Variants in EEA1 observed in about 807,000 individuals in gnomAD.
EEA1 encodes the protein early endosome antigen 1, 162kD.
A neutral mutation model predicts 209.2 loss-of-function variants in EEA1; 111 were observed. The observed-to-expected ratio is 0.53, with a 90% CI of 0.45 to 0.62. The LOEUF is 0.62. Ranked by LOEUF, EEA1 falls within the 20% of genes least tolerant of loss-of-function variation. EEA1 has a pLI of 0.00. For missense variants in EEA1, 1,343 were observed against 1,530.8 expected (o/e 0.88, Z 2.05); for synonymous variants, 536 against 540.6 (o/e 0.99, Z 0.12).
chr12:92,836,152 T>C (rs1452284918), intron 10 of EEA1, among the ~76,000 whole-genome samples: 2 of 152,196 alleles, frequency 1.3e-5, no homozygotes, highest in Non-Finnish European at 2.9e-5. Flanking sequence ...CCTGATATGA[T>C]TGGTCAAATG....
chr12:92,900,670 T>G (rs1031934923), intron 1 of EEA1, among the ~76,000 whole-genome samples: 12 of 150,178 alleles, frequency 8.0e-5, no homozygotes. Flanking sequence ...TTTTTTTTTG[T>G]CTTGTTTTAT....
chr12:92,858,936 A>G, intron 3 of EEA1: 1 of 704,654 alleles, frequency 1.4e-6, no homozygotes, highest in Non-Finnish European at 2.6e-6. Flanking sequence ...GGTGCCTTTG[A>G]GGAAAGGATT....
intron 17 of EEA1, among the ~76,000 whole-genome samples, chr12:92,810,752 T>C (rs1025929733): frequency 6.6e-6 from 1 of 152,090 alleles, no homozygotes; most frequent in African/African-American, 2.4e-5. Context: ...CTGAGATGTC[T>C]AATCATCTTA....
intron 1 of EEA1, 149 bp downstream of exon 1, chr12:92,928,894 C>A (rs1408640762): frequency 3.1e-6 from 2 of 637,664 alleles, no homozygotes; most frequent in Non-Finnish European, 2.3e-6. Context: ...TCCCCGCCCC[C>A]GGGCCGGGCG....
Position 92,929,262 on chromosome 12 carries a change from C to T in EEA1, c.-196G>A. 4.7e-6 allele frequency: 2 copies of T among 421,588 alleles called. No homozygotes were observed. The highest frequency in any genetic ancestry group is 4.2e-6 in the Non-Finnish European group (1 of 237,628). 26.1% of individuals were successfully genotyped at this position (421,588 alleles called of 1,614,324 possible). A position where few individuals can be genotyped will look rare whatever the true frequency, so the allele number is the denominator to read the frequency against. On this transcript the variant is annotated 5_prime_UTR_variant, in exon 1 of 29. Transcript: ENST00000322349. ...GCGAGAGGGAGCACGCGAGAGAGAG[C>T]GAGCGAACGACTAGGCAGCCTGCGA...
intron 1 of EEA1, among the ~76,000 whole-genome samples, chr12:92,903,360 G>A (rs1324878461): frequency 6.6e-6 from 1 of 151,966 alleles, no homozygotes; most frequent in Non-Finnish European, 1.5e-5. Context: ...CACTTTGGGA[G>A]GCTGAGGCAG....
At chr12:92,811,789 C>A (rs1875524690) in intron 16 of EEA1, among the ~76,000 whole-genome samples, 1 of 151,128 alleles carries the variant, frequency 6.6e-6, no homozygotes, top group Non-Finnish European at 1.5e-5. Flanking sequence ...ATTTTTAAAA[C>A]TATTTTTTAA....
At chr12:92,928,148 G>GA (rs1206032987) in intron 1 of EEA1, among the ~76,000 whole-genome samples, 2 of 141,020 alleles carry the variant, frequency 1.4e-5, no homozygotes, top group African/African-American at 2.7e-5. Context: ...AAAAAGAAAA[G>GA]AAAAAAGCTA....
chr12:92,799,945 C>G (rs1463576631), intron 20 of EEA1, among the ~76,000 whole-genome samples: 1 of 151,966 alleles, frequency 6.6e-6, no homozygotes, highest in African/African-American at 2.4e-5. Flanking sequence ...TTACACTGCA[C>G]AGGCCAGGTG....
intron 1 of EEA1, among the ~76,000 whole-genome samples, chr12:92,913,335 T>C (rs1375998789): frequency 2.0e-5 from 3 of 152,208 alleles, no homozygotes; most frequent in Admixed American, 6.5e-5. Flanking sequence ...TGGTCACTTG[T>C]ATGTCCTCTT....
At chr12:92,782,238 A>T (rs1873938019) in intron 22 of EEA1, 103 bp from the exon 23 acceptor site, 1 of 919,918 alleles carries the variant, frequency 1.1e-6, no homozygotes. Flanking sequence ...AACTATAAAA[A>T]GATAGCATAT....
intron 1 of EEA1, among the ~76,000 whole-genome samples, chr12:92,923,494 G>A (rs1881092831): frequency 6.6e-6 from 1 of 152,086 alleles, no homozygotes; most frequent in African/African-American, 2.4e-5. Flanking sequence ...CATGCTCTTG[G>A]ATTTGTCTGG....
intron 1 of EEA1, among the ~76,000 whole-genome samples, chr12:92,921,178 G>T (rs944448457): frequency 5.4e-5 from 8 of 148,174 alleles, no homozygotes; most frequent in African/African-American, 1.7e-4. Flanking sequence ...AACCATTGTG[G>T]AAGTCAGTGT....
chr12:92,861,132 G>C (rs1878127484), intron 3 of EEA1, among the ~76,000 whole-genome samples: 1 of 152,138 alleles, frequency 6.6e-6, no homozygotes. Flanking sequence ...CTGCAGGAGA[G>C]AGATTTCATG....
rs1348499688 is a variant in EEA1, at chr12:92,770,829, G to A, written c.*5182C>T. On this transcript the variant is annotated 3_prime_UTR_variant, in exon 29 of 29. Transcript: ENST00000322349. ...GACTAAATTCCATTACTTTAAGATAGGAAGAAAAAAAAAATCTGGCTTTCA... is the reference window on the plus strand; with the variant it reads ...GACTAAATTCCATTACTTTAAGATAAGAAGAAAAAAAAAATCTGGCTTTCA... 7 of 137,470 alleles carry A rather than the reference G, an allele frequency of 5.1e-5. No homozygotes were observed. Among genetic ancestry groups the A allele is most frequent in the African/African-American group, 1.6e-4 (6 of 37,376 alleles). The allele number at this position is 137,470 out of a possible 1,614,324, so 8.5% of individuals were successfully genotyped here. A position where few individuals can be genotyped will look rare whatever the true frequency, so the allele number is the denominator to read the frequency against.
intron 13 of EEA1, among the ~76,000 whole-genome samples, chr12:92,822,803 C>T (rs145556223): frequency 1.3e-4 from 20 of 152,238 alleles, no homozygotes; most frequent in African/African-American, 4.1e-4. Context: ...TTCCCTCCTC[C>T]GAGCTTTAAA....
rs1353659803 is a variant in EEA1, at chr12:92,801,687, T to G, written c.2685A>C (p.Lys895Asn). 6.3e-7 allele frequency: 1 copy of G among 1,585,738 alleles called. No individual in the cohort carries two copies. The highest frequency in any genetic ancestry group is 1.4e-5 in the African/African-American group (1 of 73,310). Residue 895 changes from lysine to asparagine, a missense_variant, in exon 20 of 29, where the codon AAA (lysine) becomes AAC (asparagine). Coordinates refer to ENST00000322349, the MANE Select transcript of EEA1 (RefSeq NM_003566.4). ...AAILDLEKTC[K>N]ELKHQLQVQM... The stretch of plus-strand genomic sequence containing the variant: ...GCACTTGAAGTTGATGCTTTAATTC[T>G]TTGCAAGTTTTTTCCTTAAAAAAAA...
At chr12:92,887,795 C>T (rs1418525436) in intron 2 of EEA1, among the ~76,000 whole-genome samples, 3 of 151,870 alleles carry the variant, frequency 2.0e-5, no homozygotes, top group Non-Finnish European at 4.4e-5. Flanking sequence ...CATCATAAAT[C>T]GAAGAGCATC....
At chr12:92,881,599 C>A (rs1002187224) in intron 2 of EEA1, among the ~76,000 whole-genome samples, 2 of 151,872 alleles carry the variant, frequency 1.3e-5, no homozygotes, top group African/African-American at 4.8e-5. Flanking sequence ...GGACTAAATG[C>A]GTCTAAGAAG....
Sources: gnomAD v4.1 joint callset for allele counts (sites outside exome capture counted in the v4.1 genomes callset) on GRCh38, gnomAD v4.1.1 for gene constraint, MANE v1.5 for transcripts, NCBI Gene and HGNC (gene_info 2026-07-23, HGNC 2026-07-21) for gene names.